Variants in FRMD4A observed in about 807,000 individuals in gnomAD.
FRMD4A encodes the protein FERM domain containing 4A, also known as FERM domain-containing protein 4A.
FRMD4A carries 29 observed loss-of-function variants against 129.1 expected under a neutral mutation model. The ratio of observed to expected loss-of-function variants is 0.22; its 90% confidence interval spans 0.17 to 0.31. The LOEUF (loss-of-function observed/expected upper bound fraction) is 0.31, where lower values mean the gene tolerates loss of function less well. Among genes scored for constraint, FRMD4A ranks in the 10% least tolerant of loss-of-function variants. The pLI is 1.00. For missense variants in FRMD4A, 1,272 were observed against 1,375.8 expected (o/e 0.92, Z 1.19); for synonymous variants, 634 against 571.6 (o/e 1.11, Z -1.56).
At chr10:13,990,111 T>C (rs565406215) in intron 2 of FRMD4A, among the ~76,000 whole-genome samples, 1 of 152,294 alleles carries the variant, frequency 6.6e-6, no homozygotes, top group African/African-American at 2.4e-5. Context: ...ACTTAATCTC[T>C]CTCTATTCTC....
At chr10:14,178,346 G>C (rs1413194323) in intron 2 of FRMD4A, among the ~76,000 whole-genome samples, 2 of 152,144 alleles carry the variant, frequency 1.3e-5, no homozygotes, top group African/African-American at 4.8e-5. Context: ...ATGTATTCAG[G>C]AAACCAATAT....
chr10:13,954,386 C>T (rs557187961), intron 2 of FRMD4A, among the ~76,000 whole-genome samples: 20 of 152,178 alleles, frequency 1.3e-4, no homozygotes, highest in South Asian at 2.1e-4. Context: ...AGAGCGTGTG[C>T]GGGGGAACTC....
chr10:14,072,302 C>G (rs1233277029), intron 2 of FRMD4A, among the ~76,000 whole-genome samples: 1 of 152,084 alleles, frequency 6.6e-6, no homozygotes, highest in Non-Finnish European at 1.5e-5. Context: ...TCTTACTTCT[C>G]TAGATAATAT....
intron 2 of FRMD4A, among the ~76,000 whole-genome samples, chr10:13,918,444 T>TATTTATTC (rs2095034030): frequency 6.6e-6 from 1 of 150,828 alleles, no homozygotes; most frequent in South Asian, 2.1e-4. Context: ...TTTATTTATT[T>TATTTATTC]ATTCATTCCC....
intron 2 of FRMD4A, among the ~76,000 whole-genome samples, chr10:14,112,723 A>G (rs922435390): frequency 6.6e-6 from 1 of 152,102 alleles, no homozygotes; most frequent in Admixed American, 6.5e-5. Flanking sequence ...ACGGGGTTTC[A>G]TCATGTTGGC....
At chr10:14,050,423 C>A (rs73595403) in intron 2 of FRMD4A, among the ~76,000 whole-genome samples, 7,726 of 152,158 alleles carry the variant, frequency 0.051, 329 homozygotes, top group East Asian at 0.13. Flanking sequence ...GATGAAAGAC[C>A]TAATAAAATA....
chr10:13,959,510 A>T lies in FRMD4A; in HGVS notation c.46-100598T>A, dbSNP rs1268301663. On this transcript the variant is annotated intron_variant, in intron 2 of 24. Coordinates refer to ENST00000357447, the MANE Select transcript of FRMD4A (RefSeq NM_018027.5). The stretch of plus-strand genomic sequence containing the variant: ...AAAAAAAAAAAAAAAGCTGTGAGTG[A>T]TTTTTTTTTTTAGATTTGTAATCAT... Among the ~76,000 whole-genome samples the T allele has an allele frequency of 3.7e-3, 330 of 89,782 alleles. 3 individuals carry two copies. Among genetic ancestry groups the T allele is most frequent in the Middle Eastern group, 6.0e-3 (1 of 168 alleles). 58.9% of individuals were successfully genotyped at this position (89,782 alleles called of 152,430 possible).
At chr10:14,323,673 C>A (rs749849420) in intron 2 of FRMD4A, among the ~76,000 whole-genome samples, 21 of 152,148 alleles carry the variant, frequency 1.4e-4, no homozygotes, top group Non-Finnish European at 1.9e-4. Flanking sequence ...CTTTTCCCAC[C>A]CCATGTAATT....
At chr10:14,079,563 A>G (rs1835808813) in intron 2 of FRMD4A, among the ~76,000 whole-genome samples, 2 of 152,254 alleles carry the variant, frequency 1.3e-5, no homozygotes, top group Admixed American at 6.5e-5. Flanking sequence ...ATGGTGTTTA[A>G]TAAAAAGGGT....
intron 23 of FRMD4A, 173 bp from the exon 24 acceptor site, chr10:13,652,147 T>C (rs762328887): frequency 4.8e-5 from 30 of 623,764 alleles, no homozygotes; most frequent in Non-Finnish European, 8.4e-5. Context: ...GTCCCCATAA[T>C]TGAGTCAAAA....
At chr10:13,775,144 A>C (rs2092565767) in intron 6 of FRMD4A, among the ~76,000 whole-genome samples, 1 of 152,170 alleles carries the variant, frequency 6.6e-6, no homozygotes, top group African/African-American at 2.4e-5. Flanking sequence ...AAGAGAGGAC[A>C]CAGGCAAGAG....
At chr10:13,930,678 C>T (rs768481073) in intron 2 of FRMD4A, among the ~76,000 whole-genome samples, 3 of 152,010 alleles carry the variant, frequency 2.0e-5, no homozygotes, top group East Asian at 3.9e-4. Flanking sequence ...TAGGAGAAAA[C>T]GTCGTTTGAG....
At chr10:14,165,483 A>G (rs1461481492) in intron 2 of FRMD4A, among the ~76,000 whole-genome samples, 11 of 152,236 alleles carry the variant, frequency 7.2e-5, no homozygotes, top group Admixed American at 7.2e-4. Context: ...AAATAGAACT[A>G]CTATTCGACC....
At chr10:14,057,889 G>T (rs1417325691) in intron 2 of FRMD4A, among the ~76,000 whole-genome samples, 3 of 152,182 alleles carry the variant, frequency 2.0e-5, no homozygotes, top group Non-Finnish European at 4.4e-5. Context: ...AACGCTCACT[G>T]GTTGTGTCGG....
chr10:13,688,006 G>C (rs1026638980), intron 15 of FRMD4A, among the ~76,000 whole-genome samples: 1 of 152,050 alleles, frequency 6.6e-6, no homozygotes, highest in African/African-American at 2.4e-5. Context: ...TCACTACTAC[G>C]GGATTCAGGG....
chr10:13,654,682 G>C, intron 22 of FRMD4A, 170 bp from the exon 23 acceptor site: 1 of 600,510 alleles, frequency 1.7e-6, no homozygotes, highest in Non-Finnish European at 3.0e-6. Context: ...CATGGTCACA[G>C]TGGGCAACCA....
intron 2 of FRMD4A, among the ~76,000 whole-genome samples, chr10:14,284,986 C>G (rs1323435527): frequency 6.6e-6 from 1 of 152,170 alleles, no homozygotes; most frequent in Non-Finnish European, 1.5e-5. Flanking sequence ...ATACCCAGGT[C>G]CAACACAGAG....
intron 2 of FRMD4A, among the ~76,000 whole-genome samples, chr10:14,066,629 T>A (rs1187340291): frequency 1.3e-5 from 2 of 152,148 alleles, no homozygotes; most frequent in Admixed American, 6.5e-5. Flanking sequence ...AGCCTACGCC[T>A]GTGTGCCGCA....
chr10:14,057,094 C>G (rs1440029041), intron 2 of FRMD4A, among the ~76,000 whole-genome samples: 3 of 152,172 alleles, frequency 2.0e-5, no homozygotes, highest in African/African-American at 7.2e-5. Context: ...CTTCTTCACT[C>G]AGGCTTAGGA....
Sources: allele counts gnomAD v4.1 joint callset (sites outside exome capture counted in the v4.1 genomes callset), GRCh38; gene constraint gnomAD v4.1.1; transcripts MANE v1.5; gene names NCBI Gene and HGNC (gene_info 2026-07-23, HGNC 2026-07-21).